EFCAB6: variants seen among roughly 807,000 people sequenced by gnomAD.
EFCAB6 encodes the protein EF-hand calcium-binding domain-containing protein 6.
EFCAB6 carries 156 observed loss-of-function variants against 169.8 expected under a neutral mutation model. The ratio of observed to expected loss-of-function variants is 0.92; its 90% CI spans 0.81 to 1.05. The LOEUF is 1.05. EFCAB6 is among the 50% of genes least tolerant of loss of function. EFCAB6 has a pLI of 0.00. For synonymous variants in EFCAB6, 698 were observed against 676.4 expected, an observed-to-expected ratio of 1.03 and a Z score of -0.50; for missense variants, 1,800 against 1,829.1, an observed-to-expected ratio of 0.98 and a Z score of 0.29.
At chr22:43,530,504 G>A (rs1423511129) in intron 31 of EFCAB6, 1 of 973,802 alleles carries the variant, frequency 1.0e-6, no homozygotes, top group African/African-American at 1.8e-5. Context: ...AGGGCTCGGA[G>A]CAGCAGCAGC....
chr22:43,689,349 G>GCGCACACACACACACACACA (rs1556091576), intron 10 of EFCAB6, among the ~76,000 whole-genome samples: 7 of 146,960 alleles, frequency 4.8e-5, no homozygotes, highest in Non-Finnish European at 8.9e-5. Context: ...GAGAGCACGT[G>GCGCACACACACACACACACA]CACACACACA....
chr22:43,779,655 G>A (rs962945690), intron 3 of EFCAB6, among the ~76,000 whole-genome samples: 3 of 151,964 alleles, frequency 2.0e-5, no homozygotes, highest in South Asian at 2.1e-4. Flanking sequence ...CAGGAGAATC[G>A]CTTGAACCCA....
At chr22:43,809,183 CA>C (rs1357392703) in intron 1 of EFCAB6, 52 bp from the exon 2 acceptor site, 3 of 152,084 alleles carry the variant, frequency 2.0e-5, no homozygotes, top group African/African-American at 7.2e-5. Context: ...CCAGATGAAT[CA>C]AAAGGCCTTA....
At chr22:43,784,571 G>GTATATA (rs1172964109) in intron 2 of EFCAB6, among the ~76,000 whole-genome samples, 7 of 62,678 alleles carry the variant, frequency 1.1e-4, no homozygotes, top group South Asian at 1.3e-3. Flanking sequence ...ATATATATGT[G>GTATATA]TACATATACA....
intron 4 of EFCAB6, among the ~76,000 whole-genome samples, 153 bp from the exon 5 acceptor site, chr22:43,765,546 T>C (rs1282332096): frequency 6.6e-6 from 1 of 152,094 alleles, no homozygotes; most frequent in Non-Finnish European, 1.5e-5. Context: ...TACAACTGCT[T>C]AACCCAGGTG....
chr22:43,766,454 A>G (rs2061329535), intron 4 of EFCAB6, among the ~76,000 whole-genome samples: 1 of 152,250 alleles, frequency 6.6e-6, no homozygotes, highest in African/African-American at 2.4e-5. Context: ...TGTTCACAAT[A>G]GGTCAATCTC....
At chr22:43,607,062 TC>T (rs1300673381) in intron 22 of EFCAB6, among the ~76,000 whole-genome samples, 2 of 152,132 alleles carry the variant, frequency 1.3e-5, no homozygotes, top group Non-Finnish European at 2.9e-5. Context: ...GCAGCTCTGT[TC>T]ACCCCACAAC....
At chr22:43,782,439 G>A (rs1472379165) in intron 2 of EFCAB6, 114 bp from the exon 3 acceptor site, 13 of 871,840 alleles carry the variant, frequency 1.5e-5, no homozygotes, top group Non-Finnish European at 2.3e-5. Flanking sequence ...TAAAAATGAT[G>A]CTAGTCATAA....
intron 2 of EFCAB6, among the ~76,000 whole-genome samples, chr22:43,806,378 C>T (rs1054390105): frequency 2.6e-5 from 4 of 151,922 alleles, no homozygotes; most frequent in Non-Finnish European, 4.4e-5. Flanking sequence ...CCTCAGCCTC[C>T]TGAATAACTG....
intron 24 of EFCAB6, among the ~76,000 whole-genome samples, chr22:43,586,117 T>G (rs1022860933): frequency 6.6e-6 from 1 of 152,146 alleles, no homozygotes; most frequent in African/African-American, 2.4e-5. Context: ...ATCTTTTTTT[T>G]CTCACTCTTA....
At chr22:43,720,670 A>G (rs1214757241) in intron 8 of EFCAB6, among the ~76,000 whole-genome samples, 1 of 152,008 alleles carries the variant, frequency 6.6e-6, no homozygotes, top group African/African-American at 2.4e-5. Context: ...GGAGGAAGAA[A>G]GTAAGAAAAA....
chr22:43,546,344 A>G (rs1258485210), intron 27 of EFCAB6, among the ~76,000 whole-genome samples: 1 of 152,190 alleles, frequency 6.6e-6, no homozygotes, highest in African/African-American at 2.4e-5. Context: ...TGTCAAACCT[A>G]AGCACATCAG....
intron 4 of EFCAB6, among the ~76,000 whole-genome samples, chr22:43,767,376 A>T (rs2061351452): frequency 6.6e-6 from 1 of 152,226 alleles, no homozygotes; most frequent in South Asian, 2.1e-4. Flanking sequence ...TTTTAAGTAG[A>T]TATAATTTTG....
At chr22:43,652,799 C>A (rs1236377021) in intron 17 of EFCAB6, among the ~76,000 whole-genome samples, 2 of 145,626 alleles carry the variant, frequency 1.4e-5, no homozygotes, top group Non-Finnish European at 1.5e-5. Context: ...TACAGGTGAT[C>A]CAGATATTGG....
chr22:43,722,669 CA>C (rs2147504825), intron 8 of EFCAB6, among the ~76,000 whole-genome samples: 1 of 152,204 alleles, frequency 6.6e-6, no homozygotes, highest in South Asian at 2.1e-4. Context: ...GAATTTAAAA[CA>C]GAGCTACTAT....
chr22:43,540,528 AG>A (rs1413121268), intron 27 of EFCAB6, 171 bp from the exon 28 acceptor site: 2 of 1,529,924 alleles, frequency 1.3e-6, no homozygotes, highest in African/African-American at 2.7e-5. Flanking sequence ...CGCTCGGCGG[AG>A]GCCTCAGGAA....
At chr22:43,566,874 G>A (rs778125436) in intron 26 of EFCAB6, among the ~76,000 whole-genome samples, 2 of 152,022 alleles carry the variant, frequency 1.3e-5, no homozygotes, top group African/African-American at 2.4e-5. Flanking sequence ...TCGGCCCCTC[G>A]GCTCTCCAGA....
At chr22:43,752,769 C>T (rs766746074) in intron 6 of EFCAB6, among the ~76,000 whole-genome samples, 5 of 152,170 alleles carry the variant, frequency 3.3e-5, no homozygotes, top group South Asian at 2.1e-4. Context: ...CTAGTCTCCA[C>T]GCCCTCCTGA....
chr22:43,627,037 A>G (rs1375609317), intron 19 of EFCAB6, among the ~76,000 whole-genome samples: 1 of 152,076 alleles, frequency 6.6e-6, no homozygotes, highest in Non-Finnish European at 1.5e-5. Flanking sequence ...TCTGCTCGCA[A>G]TTTTTTATAT....
Sources: allele counts gnomAD v4.1 joint callset (sites outside exome capture counted in the v4.1 genomes callset), GRCh38; gene constraint gnomAD v4.1.1; transcripts MANE v1.5; gene names NCBI Gene and HGNC (gene_info 2026-07-23, HGNC 2026-07-21).